TREH: variants seen among roughly 807,000 people sequenced by gnomAD.
The protein encoded by TREH is alpha,alpha-trehalose glucohydrolase.
A neutral mutation model predicts 80.5 loss-of-function variants in TREH; 69 were observed. The ratio of observed to expected loss-of-function variants is 0.86; its 90% confidence interval spans 0.71 to 1.05. The LOEUF is 1.05. TREH is among the 50% of genes least tolerant of loss of function. The pLI, the probability that TREH is intolerant of heterozygous loss-of-function variation, is 0.00. For synonymous variants in TREH, 309 were observed against 293.5 expected, an observed-to-expected ratio of 1.05 and a Z score of -0.54; for missense variants, 716 against 718.8, an observed-to-expected ratio of 1.00 and a Z score of 0.04.
intron 1 of TREH, among the ~76,000 whole-genome samples, chr11:118,665,341 A>T (rs1168544749): frequency 6.6e-6 from 1 of 151,802 alleles, no homozygotes; most frequent in Non-Finnish European, 1.5e-5. Flanking sequence ...ACAATTCTCA[A>T]AGAAAAAACT....
intron 1 of TREH, among the ~76,000 whole-genome samples, chr11:118,664,780 T>C (rs1294892439): frequency 6.6e-6 from 1 of 151,880 alleles, no homozygotes; most frequent in Non-Finnish European, 1.5e-5. Context: ...GGGAGGGAGA[T>C]AAAAGCATGA....
chr11:118,668,061 G>A (rs1384295569), intron 1 of TREH, among the ~76,000 whole-genome samples: 3 of 151,826 alleles, frequency 2.0e-5, no homozygotes, highest in Non-Finnish European at 4.4e-5. Flanking sequence ...ACAGGGTTTC[G>A]CCATGTTGGC....
At chr11:118,672,068 T>C (rs1171711625) in intron 1 of TREH, among the ~76,000 whole-genome samples, 1 of 152,180 alleles carries the variant, frequency 6.6e-6, no homozygotes, top group African/African-American at 2.4e-5. Context: ...CTGAAGAGTA[T>C]ACTTCGATCA....
chr11:118,658,180 C>T lies in TREH; in HGVS notation c.*109G>A. On this transcript the variant is annotated 3_prime_UTR_variant, in exon 15 of 15. Coordinates refer to ENST00000264029, the MANE Select transcript of TREH (RefSeq NM_007180.3). ...TCGTGACCCTGCCCTCCACTTCGCT[C>T]TGAGGACAGGCTGGGAGGTAGGAGG... 3.5e-6 allele frequency: 5 copies of T among 1,442,990 alleles called. No individual in the cohort carries two copies. The highest frequency in any genetic ancestry group is 4.7e-6 in the Non-Finnish European group (5 of 1,074,266). The allele number at this position is 1,442,990 out of a possible 1,614,324, so 89.4% of individuals were successfully genotyped here.
rs782091522 is a variant in TREH at position 118,674,646 on chromosome 11, G to A, written c.89+4893C>T. Among the ~76,000 whole-genome samples the A allele has an allele frequency of 6.6e-6, 1 of 152,182 alleles. No individual in the cohort carries two copies. The highest frequency in any genetic ancestry group is 1.5e-5 in the Non-Finnish European group (1 of 68,024). On this transcript the variant is annotated intron_variant, in intron 1 of 14. Coordinates refer to ENST00000264029, the MANE Select transcript of TREH (RefSeq NM_007180.3). This position sits in a 1 kb window ranked among gnomAD's most constrained non-coding sequence, Gnocchi z 4.4. ...CAACCTCCACCTCCTGGGTTCAAGT[G>A]ATTCTCCTGCCTCAGCCTCCTGAGT...
chr11:118,668,292 C>CA (rs55905540), intron 1 of TREH, among the ~76,000 whole-genome samples: 97 of 148,464 alleles, frequency 6.5e-4, no homozygotes, highest in African/African-American at 2.2e-3. Flanking sequence ...GAAGACACAT[C>CA]AAAAAAAAAA....
chr11:118,661,245 A>G lies in TREH; in HGVS notation c.772T>C (p.Trp258Arg). Residue 258 changes from tryptophan (W) to arginine (R), a missense_variant, in exon 8 of 15, where the codon TGG becomes CGG. By Grantham distance (101) the Trp-to-Arg change is moderately radical (BLOSUM62 -3). Coordinates refer to ENST00000264029, the MANE Select transcript of TREH (RefSeq NM_007180.3). This position sits in a 1 kb window ranked among gnomAD's most constrained non-coding sequence, Gnocchi z 4.2. ...IETLALELDF[W>R]TKNRTVSVSL... ...ACAGAGACAGTCCTGTTCTTGGTCC[A>G]AAAGTCCAATTCCAAGGCTAGTGTT... 6.2e-7 allele frequency: 1 copy of G among 1,613,978 alleles called. No homozygotes were observed. Among genetic ancestry groups the G allele is most frequent in the African/African-American group, 1.3e-5 (1 of 75,046 alleles).
In TREH at chr11:118,677,095, TA is replaced by T. The variant is rs572057411; in HGVS notation, c.89+2443del. ...TTCTGGGGCCTTGGGCCATGCCAGA[TA>T]TTTGATGCTAATAATGTGATTTGTG... On this transcript the variant is annotated intron_variant, in intron 1 of 14. Coordinates refer to ENST00000264029, the MANE Select transcript of TREH (RefSeq NM_007180.3). Among the ~76,000 whole-genome samples, 584 of 152,374 alleles carry T rather than the reference TA, an allele frequency of 3.8e-3. 5 individuals are homozygous for T. The highest frequency in any genetic ancestry group is 0.013 in the African/African-American group (533 of 41,584).
intron 1 of TREH, among the ~76,000 whole-genome samples, chr11:118,668,561 CAAAAAAAAAAAAAAAA>C (rs35085066): frequency 6.3e-5 from 3 of 47,868 alleles, no homozygotes; most frequent in Non-Finnish European, 6.5e-5. Flanking sequence ...GACTCTGTCT[CAAAAAAAAAAAAAAAA>C]AAAAAAAAAA....
In TREH at chr11:118,672,315, T is replaced by G. The variant is rs567554808; in HGVS notation, c.89+7224A>C. ...GAGGAGGCTGAGGTGGGGGAATCGC[T>G]TGAACCGGGGAGGTGGAGGTTGCAG... On this transcript the variant is annotated intron_variant, in intron 1 of 14. Transcript: ENST00000264029. Among the ~76,000 whole-genome samples, 138 of 152,092 alleles carry G rather than the reference T, an allele frequency of 9.1e-4. No homozygotes were observed. The Middle Eastern group carries it at 0.041, about 45-fold the overall frequency.
chr11:118,659,005 G>C lies in TREH; in HGVS notation c.1445C>G (p.Ala482Gly), dbSNP rs782255330. The change falls in exon 13 of 15, where the codon GCA becomes GGA. Residue 482 changes from alanine to glycine, a missense_variant. By Grantham distance (60) the Ala-to-Gly change is moderately conservative. Transcript: ENST00000264029. ...QDLVIRGLAK[A>G]PLRRAQEVAF... Reference sequence around the variant, plus strand: ...CACTTCCTGGGCCCGACGTAAAGGTGCCTTGGCCAGGCCTAGACCCCATTG... The same window carrying C: ...CACTTCCTGGGCCCGACGTAAAGGTCCCTTGGCCAGGCCTAGACCCCATTG... 31 of 1,613,774 alleles carry C rather than the reference G, an allele frequency of 1.9e-5. 1 individual carries two copies. In the South Asian group the frequency reaches 3.1e-4, roughly 16 times the overall value.
chr11:118,673,854 C>T (rs1949452566), intron 1 of TREH, among the ~76,000 whole-genome samples: 2 of 152,206 alleles, frequency 1.3e-5, no homozygotes, highest in African/African-American at 4.8e-5. Flanking sequence ...AACAACCTTC[C>T]AAACAATAGG....
At chr11:118,666,423 A>G (rs1246691792) in intron 1 of TREH, among the ~76,000 whole-genome samples, 3 of 152,184 alleles carry the variant, frequency 2.0e-5, no homozygotes, top group African/African-American at 7.2e-5. Flanking sequence ...GAAGCCATGC[A>G]TTTGCCAAGA....
chr11:118,661,475 A>C lies in TREH; in HGVS notation c.652T>G (p.Tyr218Asp). Residue 218 changes from tyrosine to aspartate, a missense_variant, in exon 7 of 15, where the codon TAC (tyrosine) becomes GAC (aspartate). By Grantham distance (160) the Tyr-to-Asp change is radical. Transcript: ENST00000264029. This position sits in a 1 kb window ranked among gnomAD's most constrained non-coding sequence, Gnocchi z 4.2. ...AGTGGGGGCTGGCTCCGCTGCAGGT[A>C]GTACACGCGCCCACCATTGGGGACA... is the stretch of plus-strand genomic sequence containing the variant. ...GHVPNGGRVY[Y>D]LQRSQPPLLT... The C allele has an allele frequency of 1.2e-6, 2 of 1,613,726 alleles. No individual in the cohort carries two copies. Among genetic ancestry groups the C allele is most frequent in the Non-Finnish European group, 1.7e-6 (2 of 1,179,790 alleles).
intron 1 of TREH, among the ~76,000 whole-genome samples, chr11:118,670,360 T>C (rs1482821445): frequency 6.6e-6 from 1 of 152,236 alleles, no homozygotes; most frequent in African/African-American, 2.4e-5. Flanking sequence ...AACTCTATTA[T>C]ACAACAGTCC....
At chr11:118,677,829 C>A (rs1949494527) in intron 1 of TREH, among the ~76,000 whole-genome samples, 1 of 152,200 alleles carries the variant, frequency 6.6e-6, no homozygotes, top group African/African-American at 2.4e-5. Context: ...AAGTCATCTT[C>A]CCCTACATTT....
At chr11:118,679,351 C>T (rs1390945520) in intron 1 of TREH, among the ~76,000 whole-genome samples, 188 bp downstream of exon 1, 7 of 152,032 alleles carry the variant, frequency 4.6e-5, no homozygotes, top group African/African-American at 9.7e-5. Context: ...ACAAAAAAAA[C>T]GGACTGCAGG....
At chr11:118,666,960 G>A (rs782820822) in intron 1 of TREH, among the ~76,000 whole-genome samples, 2 of 151,760 alleles carry the variant, frequency 1.3e-5, no homozygotes, top group South Asian at 2.1e-4. Flanking sequence ...TCAGCTCACC[G>A]CAACCTCTGT....
At chr11:118,672,902 A>T (rs1214577812) in intron 1 of TREH, among the ~76,000 whole-genome samples, 1 of 152,122 alleles carries the variant, frequency 6.6e-6, no homozygotes, top group East Asian at 1.9e-4. Flanking sequence ...TGGGAAAAAG[A>T]AAGTTTAATG....
Sources: gnomAD v4.1 joint callset for allele counts (sites outside exome capture counted in the v4.1 genomes callset) on GRCh38, gnomAD v4.1.1 for gene constraint, Gnocchi (gnomAD v3.1) non-coding constraint, MANE v1.5 for transcripts, NCBI Gene and HGNC (gene_info 2026-07-23, HGNC 2026-07-21) for gene names.